REEP3: variants seen among roughly 807,000 people sequenced by gnomAD.
REEP3 encodes the protein receptor accessory protein 3.
A neutral mutation model predicts 41.3 loss-of-function variants in REEP3; 20 were observed. The ratio of observed to expected loss-of-function variants is 0.48; its 90% CI spans 0.34 to 0.70. REEP3 has a LOEUF of 0.70. Ranked by LOEUF, REEP3 falls within the 30% of genes least tolerant of loss-of-function variation. The probability of loss-of-function intolerance (pLI) is 0.01; values close to 1 mark genes in which losing one functional copy is unlikely to be tolerated. For synonymous variants in REEP3, 104 were observed against 101.8 expected (o/e 1.02, Z -0.13); for missense variants, 271 against 308.8 (o/e 0.88, Z 0.92).
intron 2 of REEP3, among the ~76,000 whole-genome samples, chr10:63,580,963 G>C (rs1327155361): frequency 1.3e-5 from 2 of 152,132 alleles, no homozygotes; most frequent in Non-Finnish European, 1.5e-5. Context: ...AGTGAGCTGG[G>C]ATTATGCAAC....
At chr10:63,559,913 A>T (rs1955724862) in intron 1 of REEP3, among the ~76,000 whole-genome samples, 1 of 152,160 alleles carries the variant, frequency 6.6e-6, no homozygotes. Flanking sequence ...GTTGTTAAAT[A>T]ATATTTTTAA....
chr10:63,529,543 G>T (rs1955399323), intron 1 of REEP3, among the ~76,000 whole-genome samples: 1 of 152,024 alleles, frequency 6.6e-6, no homozygotes, highest in Non-Finnish European at 1.5e-5. Flanking sequence ...GTTCACTGGA[G>T]CCTCAAACTC....
chr10:63,556,029 A>G (rs1459046293), intron 1 of REEP3, among the ~76,000 whole-genome samples: 1 of 152,178 alleles, frequency 6.6e-6, no homozygotes, highest in African/African-American at 2.4e-5. Flanking sequence ...CCTAAGAAAC[A>G]TTTCCTCTGG....
intron 2 of REEP3, among the ~76,000 whole-genome samples, chr10:63,576,539 C>T (rs1955900163): frequency 6.6e-6 from 1 of 152,204 alleles, no homozygotes. Context: ...CTTAAAAAGA[C>T]ACCAGTCACA....
chr10:63,542,668 C>G (rs1955539468), intron 1 of REEP3, among the ~76,000 whole-genome samples: 1 of 152,104 alleles, frequency 6.6e-6, no homozygotes, highest in Non-Finnish European at 1.5e-5. Context: ...ACTCGCAACC[C>G]TTTTGTAAGA....
At chr10:63,589,758 T>A (rs149411225) in intron 2 of REEP3, among the ~76,000 whole-genome samples, 1 of 149,482 alleles carries the variant, frequency 6.7e-6, no homozygotes, top group African/African-American at 2.5e-5. Flanking sequence ...AGCTAGGACG[T>A]CTAATGTACT....
At chr10:63,540,307 T>G (rs1201880767) in intron 1 of REEP3, among the ~76,000 whole-genome samples, 22 of 151,950 alleles carry the variant, frequency 1.4e-4, no homozygotes, top group Admixed American at 1.4e-3. Context: ...AACAGCAAAA[T>G]AACATATTTG....
At chr10:63,592,758 T>C (rs1318673308) in intron 2 of REEP3, among the ~76,000 whole-genome samples, 1 of 152,130 alleles carries the variant, frequency 6.6e-6, no homozygotes, top group African/African-American at 2.4e-5. Flanking sequence ...CCAGGCATGG[T>C]GGCGTGCGCC....
chr10:63,549,274 TAAAG>T (rs996646158), intron 1 of REEP3, among the ~76,000 whole-genome samples: 1 of 152,098 alleles, frequency 6.6e-6, no homozygotes, highest in African/African-American at 2.4e-5. Context: ...GGGAGAGAGA[TAAAG>T]AAAGAACAGC....
At chr10:63,521,865 C>G (rs934594940) in intron 1 of REEP3, 1 of 169,686 alleles carries the variant, frequency 5.9e-6, no homozygotes, top group African/African-American at 2.4e-5. Flanking sequence ...GCCCCTGCTC[C>G]GGCGGCGCTG....
chr10:63,560,198 A>G (rs1955727565), intron 1 of REEP3, among the ~76,000 whole-genome samples: 1 of 152,120 alleles, frequency 6.6e-6, no homozygotes, highest in Non-Finnish European at 1.5e-5. Context: ...ATTTCTACAT[A>G]TTTTTGTTTT....
At chr10:63,594,143 C>T (rs1243825366) in intron 2 of REEP3, among the ~76,000 whole-genome samples, 5 of 150,624 alleles carry the variant, frequency 3.3e-5, no homozygotes, top group Admixed American at 2.0e-4. Context: ...GTTGGGAGGC[C>T]GAGACGGACA....
intron 5 of REEP3, among the ~76,000 whole-genome samples, chr10:63,608,654 C>T (rs1214967063): frequency 6.6e-6 from 1 of 152,160 alleles, no homozygotes; most frequent in African/African-American, 2.4e-5. Context: ...TAAGAAGTGA[C>T]TCATCTATAT....
intron 1 of REEP3, among the ~76,000 whole-genome samples, chr10:63,558,578 G>A (rs1400190764): frequency 1.3e-5 from 2 of 152,060 alleles, no homozygotes; most frequent in Non-Finnish European, 2.9e-5. Flanking sequence ...CTTGAGACCA[G>A]GAGTTTGAGC....
chr10:63,590,607 G>C (rs1193757358), intron 2 of REEP3, among the ~76,000 whole-genome samples: 1 of 152,038 alleles, frequency 6.6e-6, no homozygotes, highest in Non-Finnish European at 1.5e-5. Context: ...CCTATGTTAT[G>C]TGAGCCTCCT....
chr10:63,575,971 G>A (rs894683941), intron 2 of REEP3, among the ~76,000 whole-genome samples: 1 of 152,210 alleles, frequency 6.6e-6, no homozygotes, highest in Admixed American at 6.5e-5. Context: ...GACCTCAGGT[G>A]ATCCGCCTGC....
chr10:63,568,980 T>A (rs7907451), intron 2 of REEP3, among the ~76,000 whole-genome samples: 70,815 of 151,992 alleles, frequency 0.47, 16,783 homozygotes, highest in Middle Eastern at 0.55. Context: ...TTTTTATTGC[T>A]ATATTCAGTA....
At chr10:63,613,864 T>A (rs890608486) in intron 6 of REEP3, among the ~76,000 whole-genome samples, 4 of 152,142 alleles carry the variant, frequency 2.6e-5, no homozygotes, top group Admixed American at 1.3e-4. Context: ...TTAAACTATA[T>A]AATAGGAAGT....
Position 63,599,298 on chromosome 10 carries a change from A to T in REEP3, c.417+15A>T. 8.2e-7 allele frequency: 1 copy of T among 1,214,792 alleles called. No homozygotes were observed. Among genetic ancestry groups the T allele is most frequent in the South Asian group, 1.5e-5 (1 of 65,872 alleles). The allele number at this position is 1,214,792 out of a possible 1,614,324, so 75.3% of individuals were successfully genotyped here. On this transcript the variant is annotated intron_variant, in intron 5 of 7. Transcript: ENST00000373758. ...CAGCAGTAAAGGTAATTGTTCATTT[A>T]CCTTTTTAATCCAATGTCATATTAA... is the stretch of plus-strand genomic sequence containing the variant.
Sources: gnomAD v4.1 joint callset for allele counts (sites outside exome capture counted in the v4.1 genomes callset) on GRCh38, gnomAD v4.1.1 for gene constraint, MANE v1.5 for transcripts, NCBI Gene and HGNC (gene_info 2026-07-23, HGNC 2026-07-21) for gene names.